Variants in PRICKLE1 observed in about 807,000 individuals in gnomAD.
PRICKLE1 encodes the protein prickle-like protein 1.
In PRICKLE1, 14 loss-of-function variants were observed where a neutral mutation model predicts 70.2. The ratio of observed to expected loss-of-function variants is 0.20; its 90% CI spans 0.13 to 0.31. PRICKLE1 has a LOEUF of 0.31. Ranked by LOEUF, PRICKLE1 falls within the 10% of genes least tolerant of loss-of-function variation. PRICKLE1 has a pLI of 1.00. For synonymous variants in PRICKLE1, 357 were observed against 379.9 expected (o/e 0.94, Z 0.70); for missense variants, 821 against 1,026.2 (o/e 0.80, Z 2.73).
chr12:42,546,416 A>G (rs979219970), intron 1 of PRICKLE1, among the ~76,000 whole-genome samples: 2 of 152,216 alleles, frequency 1.3e-5, no homozygotes, highest in African/African-American at 2.4e-5. Flanking sequence ...CTGACTCTCT[A>G]TGCTATCCAG....
intron 1 of PRICKLE1, among the ~76,000 whole-genome samples, chr12:42,478,897 A>C (rs764468557): frequency 2.0e-5 from 3 of 152,156 alleles, no homozygotes; most frequent in Non-Finnish European, 4.4e-5. Context: ...CAGATGTAAG[A>C]CTTCTCAATC....
intron 1 of PRICKLE1, among the ~76,000 whole-genome samples, chr12:42,545,093 T>A (rs529926247): frequency 6.6e-6 from 1 of 152,038 alleles, no homozygotes; most frequent in Non-Finnish European, 1.5e-5. Context: ...AGCCTCAACC[T>A]CCTGGGCTCG....
At chr12:42,470,024 C>T in intron 3 of PRICKLE1, 1 of 540,216 alleles carries the variant, frequency 1.9e-6, no homozygotes, top group Non-Finnish European at 3.3e-6. Flanking sequence ...TGGGTGGCTG[C>T]AAACACTATA....
intron 1 of PRICKLE1, among the ~76,000 whole-genome samples, chr12:42,501,541 G>C (rs1409984181): frequency 1.4e-5 from 2 of 138,554 alleles, no homozygotes; most frequent in Non-Finnish European, 3.1e-5. Context: ...GAAAAGAAAA[G>C]AGGAGAGCAA....
intron 1 of PRICKLE1, among the ~76,000 whole-genome samples, chr12:42,477,286 C>A (rs1436664394): frequency 6.6e-6 from 1 of 151,624 alleles, no homozygotes; most frequent in Non-Finnish European, 1.5e-5. Flanking sequence ...GCAGGAGAAT[C>A]ACTTGAAGCC....
At chr12:42,534,275 G>A (rs144183704) in intron 1 of PRICKLE1, among the ~76,000 whole-genome samples, 54 of 152,152 alleles carry the variant, frequency 3.5e-4, no homozygotes, top group African/African-American at 1.2e-3. Context: ...ATGAGAGCCC[G>A]CCAGGAAGAA....
chr12:42,559,649 G>A (rs1318483167), intron 1 of PRICKLE1, among the ~76,000 whole-genome samples: 1 of 119,554 alleles, frequency 8.4e-6, no homozygotes, highest in South Asian at 3.5e-4. Flanking sequence ...GGGGGGTAGA[G>A]ATGGGGGCCT....
At chr12:42,532,331 A>G (rs1939932736) in intron 1 of PRICKLE1, among the ~76,000 whole-genome samples, 1 of 152,214 alleles carries the variant, frequency 6.6e-6, no homozygotes, top group African/African-American at 2.4e-5. Context: ...TGAGGATTCA[A>G]CAAGATGGTG....
Position 42,589,567 on chromosome 12 carries a change from A to AGGGGTGGGCG in PRICKLE1, c.-161_-152dup, listed in dbSNP as rs1941045865. ...CTGAGGAGCTGCGGTCCGCGGCGTC[A>AGGGGTGGGCG]GGGGTGGGCGAGGGTGAGCAGCGCA... On this transcript the variant is annotated 5_prime_UTR_variant, in exon 1 of 8. It removes the in-frame stop codon of an upstream open reading frame in the 5' UTR. Coordinates refer to ENST00000345127, the MANE Select transcript of PRICKLE1 (RefSeq NM_153026.3). This position sits in a 1 kb window ranked among gnomAD's most constrained non-coding sequence, Gnocchi z 5.0. The AGGGGTGGGCG allele has an allele frequency of 1.3e-5, 2 of 153,964 alleles. No homozygotes were observed. The highest frequency in any genetic ancestry group is 6.5e-5 in the Admixed American group (1 of 15,268). 9.5% of individuals were successfully genotyped at this position (153,964 alleles called of 1,614,324 possible). A position where few individuals can be genotyped will look rare whatever the true frequency, so the allele number is the denominator to read the frequency against.
intron 1 of PRICKLE1, among the ~76,000 whole-genome samples, chr12:42,524,496 C>T (rs1429735219): frequency 6.6e-6 from 1 of 152,118 alleles, no homozygotes; most frequent in East Asian, 1.9e-4. Context: ...TCACTGCAAC[C>T]ACCACCCCCT....
chr12:42,527,955 ATATATATATATATATATC>A (rs1165385417), intron 1 of PRICKLE1, among the ~76,000 whole-genome samples: 10,825 of 36,316 alleles, frequency 0.3, 1,452 homozygotes, highest in Middle Eastern at 0.36. Flanking sequence ...ATATATATAT[ATATATATATATATATATC>A]TCCAAAGTTT....
intron 1 of PRICKLE1, among the ~76,000 whole-genome samples, chr12:42,528,282 C>T (rs538975645): frequency 3.2e-4 from 48 of 152,148 alleles, no homozygotes; most frequent in South Asian, 2.9e-3. Context: ...TCATGTTGCC[C>T]AGACTGCTCT....
At chr12:42,572,505 T>A (rs902787778) in intron 1 of PRICKLE1, among the ~76,000 whole-genome samples, 1 of 152,008 alleles carries the variant, frequency 6.6e-6, no homozygotes, top group Non-Finnish European at 1.5e-5. Flanking sequence ...AACGTGCTTA[T>A]AGCCCACATT....
intron 1 of PRICKLE1, among the ~76,000 whole-genome samples, chr12:42,578,463 T>C (rs1040727182): frequency 2.0e-5 from 3 of 152,162 alleles, no homozygotes; most frequent in African/African-American, 7.2e-5. Context: ...ACATATTCAA[T>C]CTTCTATTAA....
chr12:42,499,321 T>C (rs1939263366), intron 1 of PRICKLE1, among the ~76,000 whole-genome samples: 2 of 152,250 alleles, frequency 1.3e-5, no homozygotes. Context: ...TAAATGACTA[T>C]TTGTTTTTAA....
intron 1 of PRICKLE1, among the ~76,000 whole-genome samples, chr12:42,547,851 G>T (rs1940240840): frequency 6.6e-6 from 1 of 152,166 alleles, no homozygotes; most frequent in African/African-American, 2.4e-5. Context: ...CTTGGGAGAA[G>T]AAGTGTTTTG....
At position 42,465,175 on chromosome 12, in the gene PRICKLE1, A is replaced by T. The variant is rs1251610168; in HGVS notation, c.859T>A (p.Ser287Thr). Residue 287 changes from serine (S) to threonine (T), a missense_variant, in exon 7 of 8, where the codon TCT becomes ACT. Coordinates refer to ENST00000345127, the MANE Select transcript of PRICKLE1 (RefSeq NM_153026.3). The part of the protein sequence containing the change: ...ACFSCAQCKA[S>T]LLGCPFLPKQ... ...GGAAGGAAGGGACATCCCAACAAAG[A>T]GGCTTTACACTGGGCACAAGAAAAG... 1.3e-6 allele frequency: 2 copies of T among 1,598,616 alleles called. No homozygotes were observed. Among genetic ancestry groups the T allele is most frequent in the Admixed American group, 1.8e-5 (1 of 55,318 alleles).
At chr12:42,549,770 AG>A (rs1231283072) in intron 1 of PRICKLE1, among the ~76,000 whole-genome samples, 2 of 152,206 alleles carry the variant, frequency 1.3e-5, no homozygotes, top group Non-Finnish European at 2.9e-5. Flanking sequence ...TTCTTAGCAA[AG>A]CTCCAAAGGG....
intron 1 of PRICKLE1, among the ~76,000 whole-genome samples, chr12:42,546,704 A>C (rs1311407330): frequency 1.3e-5 from 2 of 152,208 alleles, no homozygotes; most frequent in Admixed American, 6.5e-5. Flanking sequence ...CAGTGAGCCG[A>C]GATCATGCCA....
Sources: allele counts gnomAD v4.1 joint callset (sites outside exome capture counted in the v4.1 genomes callset), GRCh38; gene constraint gnomAD v4.1.1; non-coding constraint Gnocchi (gnomAD v3.1); transcripts MANE v1.5; gene names NCBI Gene and HGNC (gene_info 2026-07-23, HGNC 2026-07-21).